Variants in MYO18A observed in about 807,000 individuals in gnomAD.
MYO18A encodes unconventional myosin-XVIIIa.
In MYO18A, 78 loss-of-function variants were observed where a neutral mutation model predicts 235.8. The observed-to-expected ratio is 0.33, with a 90% confidence interval of 0.28 to 0.40. MYO18A has a LOEUF of 0.40. Ranked by LOEUF, MYO18A falls within the 10% of genes least tolerant of loss-of-function variation. The pLI is 1.00. For synonymous variants in MYO18A, 977 were observed against 1,077.8 expected (o/e 0.91, Z 1.83); for missense variants, 2,215 against 2,699.3 (o/e 0.82, Z 3.98).
chr17:29,158,662 G>A lies in MYO18A; in HGVS notation c.999+7280C>T, dbSNP rs556101633. Among the ~76,000 whole-genome samples the A allele has an allele frequency of 2.0e-5, 3 of 152,282 alleles. No individual in the cohort carries two copies. The highest frequency in any genetic ancestry group is 2.1e-4 in the South Asian group (1 of 4,826). ...CTCAGCTGGGTCACCAGTCCCCACC[G>A]TCCCCCCAAGACTGCAGTGAGTAGA... On this transcript the variant is annotated intron_variant, in intron 2 of 41. Coordinates refer to ENST00000527372, the MANE Select transcript of MYO18A (RefSeq NM_078471.4). This position sits in a 1 kb window ranked among gnomAD's most constrained non-coding sequence, Gnocchi z 4.3.
At chr17:29,155,117 G>A (rs1197321504) in intron 2 of MYO18A, 1 of 152,280 alleles carries the variant, frequency 6.6e-6, no homozygotes, top group African/African-American at 2.4e-5. Context: ...GCCACCCAGG[G>A]CTGAGATAGA....
Position 29,096,740 on chromosome 17 carries a change from CAGGGCAG to C in MYO18A, c.4385+14_4385+20del. 1 of 1,577,130 alleles carries C rather than the reference CAGGGCAG, an allele frequency of 6.3e-7. No individual in the cohort carries two copies. The highest frequency in any genetic ancestry group is 8.6e-7 in the Non-Finnish European group (1 of 1,160,656). On this transcript the variant is annotated intron_variant, in intron 28 of 41. Coordinates refer to ENST00000527372, the MANE Select transcript of MYO18A (RefSeq NM_078471.4). ...GCTGCTCCAGAAGGTTCTCTGGGCC[CAGGGCAG>C]GGGGCCCACCCACCTCCTCTGCTTC...
intron 7 of MYO18A, 98 bp from the exon 8 acceptor site, chr17:29,119,533 C>A: frequency 1.3e-6 from 1 of 771,368 alleles, no homozygotes; most frequent in South Asian, 1.9e-5. Flanking sequence ...TCCTCTAGGC[C>A]CTGGGGAACA....
Position 29,166,334 on chromosome 17 carries a change from C to T in MYO18A, c.607G>A (p.Val203Ile). The T allele has an allele frequency of 6.2e-7, 1 of 1,612,764 alleles. No homozygotes were observed. Among genetic ancestry groups the T allele is most frequent in the Non-Finnish European group, 8.5e-7 (1 of 1,179,874 alleles). ...APELVTKKFP[V>I]DLRLPPVVPL... is the part of the protein sequence containing the mutation. Reference sequence around the variant, plus strand: ...ACCACGGGGGGCAGGCGCAGGTCGACTGGGAACTTTTTAGTCACTAGCTCA... The same window carrying T: ...ACCACGGGGGGCAGGCGCAGGTCGATTGGGAACTTTTTAGTCACTAGCTCA... The change falls in exon 2 of 42, where the codon GTC becomes ATC. Residue 203 changes from valine (V) to isoleucine (I), a missense_variant. Transcript: ENST00000527372.
intron 41 of MYO18A, chr17:29,080,729 G>C (rs983273209): frequency 1.0e-6 from 1 of 985,548 alleles, no homozygotes; most frequent in East Asian, 1.1e-4. Context: ...TGCGGCCCCC[G>C]GCCAGCGCGC....
At chr17:29,162,418 G>A (rs1430550716) in intron 2 of MYO18A, among the ~76,000 whole-genome samples, 3 of 152,126 alleles carry the variant, frequency 2.0e-5, no homozygotes, top group Non-Finnish European at 4.4e-5. Context: ...TGAAATATGT[G>A]ATTCTCTCTC....
chr17:29,122,258 CAGAG>C lies in MYO18A; in HGVS notation c.1000-9_1000-6del. On this transcript the variant is annotated splice_region_variant and splice_polypyrimidine_tract_variant and intron_variant, in intron 2 of 41. Coordinates refer to ENST00000527372, the MANE Select transcript of MYO18A (RefSeq NM_078471.4). Reference sequence around the variant, plus strand: ...AATCTGTTCTTCTGTTTTCGCCTGTCAGAGAGAGAGAAGAATAAACAGGCCCTGC... The same window carrying C: ...AATCTGTTCTTCTGTTTTCGCCTGTCAGAGAGAAGAATAAACAGGCCCTGC... 1 of 1,608,902 alleles carries C rather than the reference CAGAG, an allele frequency of 6.2e-7. No homozygotes were observed. The highest frequency in any genetic ancestry group is 8.5e-7 in the Non-Finnish European group (1 of 1,177,676).
intron 2 of MYO18A, among the ~76,000 whole-genome samples, chr17:29,128,844 C>T (rs2067390338): frequency 2.0e-5 from 3 of 152,180 alleles, no homozygotes; most frequent in South Asian, 2.1e-4. Flanking sequence ...CGGCACAGAG[C>T]GCCGAGAGGC....
intron 2 of MYO18A, among the ~76,000 whole-genome samples, chr17:29,152,685 G>A (rs543220909): frequency 5.9e-5 from 9 of 152,244 alleles, no homozygotes; most frequent in African/African-American, 1.4e-4. Flanking sequence ...GCTTCCTGAC[G>A]TACCAGAGAC....
chr17:29,166,175 A>G lies in MYO18A; in HGVS notation c.766T>C (p.Phe256Leu). The G allele has an allele frequency of 6.2e-7, 1 of 1,612,962 alleles. No homozygotes were observed. The highest frequency in any genetic ancestry group is 1.1e-5 in the South Asian group (1 of 91,086). ...EGQACRRVVH[F>L]AEPGAGTKDL... ...TTGGTGCCTGCACCAGGCTCAGCAAAGTGGACCACACGCCGACAGGCCTGG... is the reference window on the plus strand; with the variant it reads ...TTGGTGCCTGCACCAGGCTCAGCAAGGTGGACCACACGCCGACAGGCCTGG... The change falls in exon 2 of 42, where the codon TTT becomes CTT. Residue 256 changes from phenylalanine (F) to leucine (L), a missense_variant. Physicochemically the swap from Phe to Leu is conservative, Grantham distance 22. Transcript: ENST00000527372.
At chr17:29,114,526 T>C (rs1267361763) in intron 14 of MYO18A, among the ~76,000 whole-genome samples, 1 of 152,166 alleles carries the variant, frequency 6.6e-6, no homozygotes, top group Non-Finnish European at 1.5e-5. Flanking sequence ...GACACCCTTT[T>C]ACAGAAGGCA....
chr17:29,103,717 C>A, intron 20 of MYO18A, 53 bp from the exon 21 acceptor site: 1 of 1,579,638 alleles, frequency 6.3e-7, no homozygotes, highest in Non-Finnish European at 8.7e-7. Flanking sequence ...CCTCACCATG[C>A]AGGGCTTTCT....
intron 36 of MYO18A, 119 bp downstream of exon 36, chr17:29,090,413 C>A: frequency 1.1e-6 from 1 of 893,660 alleles, no homozygotes. Flanking sequence ...CTCATTTACG[C>A]TGCTCTGTGG....
At chr17:29,116,850 G>C (rs2067084964) in intron 10 of MYO18A, among the ~76,000 whole-genome samples, 1 of 151,428 alleles carries the variant, frequency 6.6e-6, no homozygotes, top group African/African-American at 2.4e-5. Context: ...GGGTAGGTTA[G>C]AGGAAAGCTA....
At chr17:29,170,521 C>T (rs577305861) in intron 1 of MYO18A, among the ~76,000 whole-genome samples, 5 of 152,288 alleles carry the variant, frequency 3.3e-5, no homozygotes, top group East Asian at 1.9e-4. Context: ...CCCCCTATCC[C>T]GGGCTGCAGT....
At chr17:29,128,078 T>C in intron 2 of MYO18A, 2 of 1,023,588 alleles carry the variant, frequency 2.0e-6, no homozygotes, top group Non-Finnish European at 1.2e-6. Flanking sequence ...AGAAGACTGC[T>C]TGCCGCGGGC....
chr17:29,145,357 T>C (rs2067825751), intron 2 of MYO18A, among the ~76,000 whole-genome samples: 2 of 152,116 alleles, frequency 1.3e-5, no homozygotes, highest in Non-Finnish European at 2.9e-5. Flanking sequence ...CTCTCCCACA[T>C]TGGTGGCGTG....
intron 1 of MYO18A, among the ~76,000 whole-genome samples, chr17:29,175,431 G>A (rs1454337474): frequency 4.1e-5 from 6 of 146,874 alleles, no homozygotes; most frequent in Non-Finnish European, 5.9e-5. Context: ...GTGCGATCTC[G>A]GCTCACTGCA....
chr17:29,089,808 G>A (rs1227524125), intron 37 of MYO18A, among the ~76,000 whole-genome samples, 153 bp downstream of exon 37: 3 of 152,246 alleles, frequency 2.0e-5, no homozygotes, highest in Admixed American at 6.5e-5. Flanking sequence ...GGCAGGGCGG[G>A]AGAGAAGCAC....
Sources: gnomAD v4.1 joint callset for allele counts (sites outside exome capture counted in the v4.1 genomes callset) on GRCh38, gnomAD v4.1.1 for gene constraint, Gnocchi (gnomAD v3.1) non-coding constraint, MANE v1.5 for transcripts, NCBI Gene and HGNC (gene_info 2026-07-23, HGNC 2026-07-21) for gene names.